The following PTPRM variants were observed in gnomAD, a reference collection of about 807,000 sequenced individuals.
PTPRM encodes the protein receptor-type tyrosine-protein phosphatase mu.
PTPRM carries 47 observed loss-of-function variants against 186.7 expected under a neutral mutation model. The observed-to-expected ratio is 0.25, with a 90% CI of 0.20 to 0.32. PTPRM has a LOEUF of 0.32. PTPRM is among the 10% of genes least tolerant of loss of function. The pLI, the probability that PTPRM is intolerant of heterozygous loss-of-function variation, is 1.00. For synonymous variants in PTPRM, 668 were observed against 674.9 expected (o/e 0.99, Z 0.16); for missense variants, 1,494 against 1,865.0 (o/e 0.80, Z 3.66).
chr18:8,114,955 A>G (rs2091899282), intron 13 of PTPRM, 128 bp downstream of exon 13: 3 of 674,142 alleles, frequency 4.5e-6, no homozygotes, highest in Admixed American at 3.3e-5. Context: ...ATACATATAT[A>G]TATATGCATG....
intron 1 of PTPRM, among the ~76,000 whole-genome samples, chr18:7,660,701 C>G (rs1473717847): frequency 1.3e-5 from 2 of 152,170 alleles, no homozygotes. Context: ...CCATCACAGC[C>G]TCCAGAGCCA....
intron 1 of PTPRM, among the ~76,000 whole-genome samples, chr18:7,769,544 G>T (rs9957717): frequency 0.029 from 4,476 of 152,184 alleles, 216 homozygotes; most frequent in African/African-American, 0.1. Context: ...ATAAATTCCG[G>T]TACATGAACT....
intron 22 of PTPRM, among the ~76,000 whole-genome samples, chr18:8,320,293 C>G (rs2095337718): frequency 6.6e-6 from 1 of 152,068 alleles, no homozygotes; most frequent in African/African-American, 2.4e-5. Flanking sequence ...GGACGAAGGG[C>G]AATCAGAGGT....
chr18:8,042,032 G>A (rs556869842), intron 7 of PTPRM, among the ~76,000 whole-genome samples: 28 of 152,334 alleles, frequency 1.8e-4, no homozygotes, highest in African/African-American at 6.5e-4. Context: ...AGCTAGGTAT[G>A]TCATCTTAAA....
intron 2 of PTPRM, among the ~76,000 whole-genome samples, chr18:7,843,954 T>A (rs186026095): frequency 6.6e-6 from 1 of 152,308 alleles, no homozygotes; most frequent in East Asian, 1.9e-4. Flanking sequence ...TGGGATAACA[T>A]ACATATGGCC....
rs2041970040 is a variant in PTPRM at position 7,765,353 on chromosome 18, T to TAAAAACTG, written c.74-8795_74-8788dup. Among the ~76,000 whole-genome samples, 4 of 152,316 alleles carry TAAAAACTG rather than the reference T, an allele frequency of 2.6e-5. No individual in the cohort carries two copies. The South Asian group carries it at 8.3e-4, about 32-fold the overall frequency. On this transcript the variant is annotated intron_variant, in intron 1 of 32. Transcript: ENST00000580170. ...GCCATTTAAATGCCTGTGTAATGTG[T>TAAAAACTG]AAAAACTGCTTGCTAAATTAAATTA...
chr18:8,111,004 T>A (rs2091729620), intron 11 of PTPRM, among the ~76,000 whole-genome samples: 1 of 152,176 alleles, frequency 6.6e-6, no homozygotes, highest in African/African-American at 2.4e-5. Context: ...CCTGGTCTGA[T>A]GATTAGGAGA....
intron 2 of PTPRM, among the ~76,000 whole-genome samples, chr18:7,881,700 G>A (rs903199195): frequency 2.0e-5 from 3 of 152,044 alleles, no homozygotes; most frequent in Non-Finnish European, 4.4e-5. Context: ...TTTTGTTCCC[G>A]TACCCTCTTC....
At chr18:7,850,636 G>C (rs2046815455) in intron 2 of PTPRM, among the ~76,000 whole-genome samples, 1 of 152,192 alleles carries the variant, frequency 6.6e-6, no homozygotes, top group African/African-American at 2.4e-5. Context: ...GTAGGAATAA[G>C]AGTGAATCTG....
intron 15 of PTPRM, among the ~76,000 whole-genome samples, chr18:8,244,527 C>A (rs953102408): frequency 6.6e-6 from 1 of 152,118 alleles, no homozygotes; most frequent in African/African-American, 2.4e-5. Flanking sequence ...TGTTTAGATC[C>A]CATTTGTAAA....
intron 29 of PTPRM, among the ~76,000 whole-genome samples, chr18:8,381,266 G>A (rs2095733424): frequency 6.6e-6 from 1 of 151,508 alleles, no homozygotes; most frequent in Non-Finnish European, 1.5e-5. Context: ...ATGACAGTAG[G>A]CATTATGGGA....
chr18:8,376,772 A>T, intron 26 of PTPRM, 175 bp downstream of exon 26: 1 of 802,482 alleles, frequency 1.2e-6, no homozygotes, highest in South Asian at 2.3e-5. Flanking sequence ...TTTTCCTCTC[A>T]TAAACAAACC....
At chr18:8,146,421 T>C (rs1280191640) in intron 14 of PTPRM, among the ~76,000 whole-genome samples, 1 of 152,220 alleles carries the variant, frequency 6.6e-6, no homozygotes, top group Admixed American at 6.5e-5. Flanking sequence ...TAAGCATTTT[T>C]TTATATGTTG....
intron 2 of PTPRM, among the ~76,000 whole-genome samples, chr18:7,850,395 C>G (rs2046805229): frequency 6.6e-6 from 1 of 152,084 alleles, no homozygotes; most frequent in African/African-American, 2.4e-5. Flanking sequence ...GTATTGAGAT[C>G]TACAAGATAG....
intron 1 of PTPRM, among the ~76,000 whole-genome samples, chr18:7,652,158 A>C (rs1347682707): frequency 2.0e-5 from 3 of 152,244 alleles, no homozygotes. Flanking sequence ...AAAAATGCTC[A>C]CCATCACTGG....
At chr18:8,063,130 T>C (rs2088728776) in intron 7 of PTPRM, among the ~76,000 whole-genome samples, 4 of 151,560 alleles carry the variant, frequency 2.6e-5, no homozygotes, top group African/African-American at 7.3e-5. Flanking sequence ...CGTAGGACCC[T>C]CCGAGCCAGG....
chr18:7,891,082 G>C (rs12326604), intron 3 of PTPRM, among the ~76,000 whole-genome samples: 1 of 150,178 alleles, frequency 6.7e-6, no homozygotes, highest in Non-Finnish European at 1.5e-5. Flanking sequence ...TTTAAGACCA[G>C]CCTGGGCAAC....
intron 7 of PTPRM, among the ~76,000 whole-genome samples, chr18:8,017,207 C>G (rs115887424): frequency 0.022 from 3,366 of 152,090 alleles, 52 homozygotes; most frequent in African/African-American, 0.047. Flanking sequence ...TCCTTAAACA[C>G]ATGCACATAT....
rs1006663104 is a variant in PTPRM, at chr18:8,307,154, A to G, written c.2843-7627A>G. Among the ~76,000 whole-genome samples, 3 of 152,206 alleles carry G rather than the reference A, an allele frequency of 2.0e-5. No individual in the cohort carries two copies. In the South Asian group the frequency reaches 6.2e-4, roughly 32 times the overall value. On this transcript the variant is annotated intron_variant, in intron 20 of 32. Coordinates refer to ENST00000580170, the MANE Select transcript of PTPRM (RefSeq NM_001105244.2). ...AGCAGCAGAGCATGGGGGAGCTGGA[A>G]GAGCCAATCATTTCACTTCTTTAGC...
Sources: allele counts gnomAD v4.1 joint callset (sites outside exome capture counted in the v4.1 genomes callset), GRCh38; gene constraint gnomAD v4.1.1; transcripts MANE v1.5; gene names NCBI Gene and HGNC (gene_info 2026-07-23, HGNC 2026-07-21).